Variants in TMEM178B observed in about 807,000 individuals in gnomAD.
The protein encoded by TMEM178B is transmembrane protein 178B.
In TMEM178B, 5 loss-of-function variants were observed where a neutral mutation model predicts 31.0. The ratio of observed to expected loss-of-function variants is 0.16; its 90% CI spans 0.08 to 0.34. The LOEUF is 0.34. Ranked by LOEUF, TMEM178B falls within the 10% of genes least tolerant of loss-of-function variation. The probability of loss-of-function intolerance (pLI) is 1.00; values close to 1 mark genes in which losing one functional copy is unlikely to be tolerated. For synonymous variants in TMEM178B, 164 were observed against 164.0 expected, an observed-to-expected ratio of 1.00 and a Z score of 0.00; for missense variants, 275 against 400.3, an observed-to-expected ratio of 0.69 and a Z score of 2.67.
chr7:141,451,941 G>A (rs1311026612), intron 3 of TMEM178B, among the ~76,000 whole-genome samples: 8 of 152,224 alleles, frequency 5.3e-5, no homozygotes, highest in South Asian at 2.1e-4. Flanking sequence ...GTCCTTGACC[G>A]TCCTGTTCCT....
intron 2 of TMEM178B, among the ~76,000 whole-genome samples, chr7:141,378,159 A>G (rs1800252607): frequency 6.6e-6 from 1 of 152,032 alleles, no homozygotes; most frequent in Non-Finnish European, 1.5e-5. Context: ...CCCTCATTTT[A>G]AATTTGTCTG....
At chr7:141,444,736 G>A (rs1305028841) in intron 3 of TMEM178B, among the ~76,000 whole-genome samples, 2 of 152,130 alleles carry the variant, frequency 1.3e-5, no homozygotes, top group African/African-American at 2.4e-5. Flanking sequence ...GATGAGAGCT[G>A]GAGCCCAGCC....
intron 1 of TMEM178B, among the ~76,000 whole-genome samples, chr7:141,181,939 G>A (rs750418713): frequency 3.5e-4 from 53 of 152,174 alleles, no homozygotes; most frequent in Non-Finnish European, 6.2e-4. Context: ...TGGATCCCTT[G>A]CCTGTGAACT....
chr7:141,384,872 T>C (rs1002801126), intron 2 of TMEM178B, among the ~76,000 whole-genome samples: 2 of 152,242 alleles, frequency 1.3e-5, no homozygotes, highest in East Asian at 3.9e-4. Flanking sequence ...ACAGATCAAG[T>C]TCTAGAGATC....
At chr7:141,502,643 G>A in the TMEM178B span, among the ~76,000 whole-genome samples, 5 of 152,260 alleles carry the variant, frequency 3.3e-5, no homozygotes, top group South Asian at 8.3e-4. Context: ...GGTAGTGCAT[G>A]CCTGTAATCC....
At chr7:141,418,547 T>C (rs999325781) in intron 2 of TMEM178B, among the ~76,000 whole-genome samples, 3 of 152,188 alleles carry the variant, frequency 2.0e-5, no homozygotes, top group Non-Finnish European at 2.9e-5. Flanking sequence ...TGAAACCTGT[T>C]AGTTCCTTCA....
intron 1 of TMEM178B, among the ~76,000 whole-genome samples, chr7:141,158,006 G>A (rs186247004): frequency 1.1e-4 from 17 of 152,234 alleles, no homozygotes; most frequent in Non-Finnish European, 1.5e-4. Flanking sequence ...AGGCCAGCAC[G>A]AGTCCCACTC....
chr7:141,197,723 C>T (rs1345255056), intron 1 of TMEM178B, among the ~76,000 whole-genome samples: 1 of 152,140 alleles, frequency 6.6e-6, no homozygotes, highest in Non-Finnish European at 1.5e-5. Context: ...ACCTCCACCT[C>T]CTGGGTTCAA....
intron 2 of TMEM178B, among the ~76,000 whole-genome samples, chr7:141,289,714 C>CAAAAAAAAA (rs35000633): frequency 8.7e-5 from 8 of 92,154 alleles, no homozygotes; most frequent in East Asian, 8.0e-4. Flanking sequence ...GACCCTGTCT[C>CAAAAAAAAA]AAAAAAAAAA....
intron 2 of TMEM178B, among the ~76,000 whole-genome samples, chr7:141,240,316 C>T (rs573071359): frequency 6.6e-6 from 1 of 152,308 alleles, no homozygotes; most frequent in East Asian, 1.9e-4. Context: ...ACATGTACAA[C>T]ACACCAGATT....
intron 2 of TMEM178B, among the ~76,000 whole-genome samples, chr7:141,410,832 G>A (rs1048357255): frequency 6.6e-6 from 1 of 152,214 alleles, no homozygotes; most frequent in African/African-American, 2.4e-5. Flanking sequence ...ATGGGCACTG[G>A]ATTGTAACTT....
At chr7:141,244,870 G>T (rs1797699324) in intron 2 of TMEM178B, among the ~76,000 whole-genome samples, 1 of 151,996 alleles carries the variant, frequency 6.6e-6, no homozygotes, top group African/African-American at 2.4e-5. Flanking sequence ...AGGCTTGGTG[G>T]CTCATGCCTG....
intron 2 of TMEM178B, among the ~76,000 whole-genome samples, chr7:141,337,530 T>C (rs1163193154): frequency 6.6e-6 from 1 of 152,202 alleles, no homozygotes; most frequent in Non-Finnish European, 1.5e-5. Flanking sequence ...TTTTCAGTAT[T>C]ATTAGCTTAT....
At chr7:141,141,990 G>T (rs916169173) in intron 1 of TMEM178B, among the ~76,000 whole-genome samples, 1 of 152,192 alleles carries the variant, frequency 6.6e-6, no homozygotes, top group African/African-American at 2.4e-5. Flanking sequence ...TGGGCATATT[G>T]TGTGATTCTA....
At chr7:141,383,974 A>G (rs187351343) in intron 2 of TMEM178B, among the ~76,000 whole-genome samples, 1 of 152,298 alleles carries the variant, frequency 6.6e-6, no homozygotes, top group Admixed American at 6.5e-5. Flanking sequence ...GCCAGTGATG[A>G]TGAACATTTC....
chr7:141,442,189 C>T (rs1271819673), intron 3 of TMEM178B, among the ~76,000 whole-genome samples: 2 of 152,144 alleles, frequency 1.3e-5, no homozygotes, highest in African/African-American at 4.8e-5. Flanking sequence ...TGAGCATAAA[C>T]ATCAACGTAT....
chr7:141,325,185 G>A (rs1267019141), intron 2 of TMEM178B, among the ~76,000 whole-genome samples: 3 of 152,088 alleles, frequency 2.0e-5, no homozygotes, highest in East Asian at 3.9e-4. Context: ...GCAATTAATG[G>A]CATTGATTTG....
intron 1 of TMEM178B, among the ~76,000 whole-genome samples, chr7:141,137,149 A>T (rs1459776771): frequency 6.6e-6 from 1 of 152,194 alleles, no homozygotes; most frequent in Non-Finnish European, 1.5e-5. Context: ...GGAAAACAGT[A>T]TGGAGGTTTT....
intron 2 of TMEM178B, among the ~76,000 whole-genome samples, chr7:141,234,002 T>C (rs753718643): frequency 1.3e-5 from 2 of 152,222 alleles, no homozygotes; most frequent in Non-Finnish European, 2.9e-5. Context: ...TCTTCAGGCA[T>C]GGGGAGTTGG....
Sources: allele counts gnomAD v4.1 joint callset (sites outside exome capture counted in the v4.1 genomes callset), GRCh38; gene constraint gnomAD v4.1.1; transcripts MANE v1.5; gene names NCBI Gene and HGNC (gene_info 2026-07-23, HGNC 2026-07-21).